The following RMDN2 variants were observed in gnomAD, a reference collection of about 807,000 sequenced individuals.
The protein encoded by RMDN2 is regulator of microtubule dynamics 2, also known as regulator of microtubule dynamics protein 2.
RMDN2 carries 61 observed loss-of-function variants against 52.8 expected under a neutral mutation model. That is an observed-to-expected ratio of 1.16 (90% confidence interval 0.94 to 1.43). RMDN2 has a LOEUF of 1.43. RMDN2 is among the 40% of genes most tolerant of loss of function. The probability of loss-of-function intolerance (pLI) is 0.00; values close to 1 mark genes in which losing one functional copy is unlikely to be tolerated. For missense variants in RMDN2, 592 were observed against 475.3 expected (o/e 1.25, Z -2.28); for synonymous variants, 180 against 153.1 (o/e 1.18, Z -1.30).
At chr2:37,989,891 C>T (rs987898154) in intron 6 of RMDN2, among the ~76,000 whole-genome samples, 1 of 152,068 alleles carries the variant, frequency 6.6e-6, no homozygotes, top group African/African-American at 2.4e-5. Flanking sequence ...CGCCTGTAAT[C>T]CCAGCACTTT....
intron 1 of RMDN2, among the ~76,000 whole-genome samples, chr2:37,925,634 T>A (rs953447086): frequency 6.6e-6 from 1 of 152,210 alleles, no homozygotes; most frequent in Admixed American, 6.5e-5. Flanking sequence ...GGTTCATCCC[T>A]CGCTGACCCT....
chr2:38,003,461 G>T (rs914495210), intron 8 of RMDN2, among the ~76,000 whole-genome samples: 3 of 152,162 alleles, frequency 2.0e-5, no homozygotes, highest in Non-Finnish European at 2.9e-5. Flanking sequence ...GCCAAGGCAG[G>T]AGAATTGCCT....
chr2:38,010,738 T>A (rs1056693610), intron 10 of RMDN2, among the ~76,000 whole-genome samples: 1 of 152,054 alleles, frequency 6.6e-6, no homozygotes, highest in African/African-American at 2.4e-5. Flanking sequence ...TTTCTGACAC[T>A]CCCCAGTGAG....
At chr2:38,000,006 A>G (rs1009460784) in intron 8 of RMDN2, among the ~76,000 whole-genome samples, 1 of 152,208 alleles carries the variant, frequency 6.6e-6, no homozygotes, top group Admixed American at 6.5e-5. Flanking sequence ...AATATATTTT[A>G]TATTCTTACC....
chr2:37,997,447 TG>T lies in RMDN2; in HGVS notation c.979del (p.Ala327LeufsTer38), dbSNP rs759041499. ...VSKLSWIEKK[M>X]AATLFGKIPS... ...AAACTGAGCTGGATTGAGAAAAAAA[TG>T]GCTGCTACTCTGTTTGGAAAAATAC... On this transcript the variant is annotated frameshift_variant, in exon 8 of 11. Coordinates refer to ENST00000354545, the MANE Select transcript of RMDN2 (RefSeq NM_001170791.3). LOFTEE classifies it high-confidence loss of function. 1.2e-6 allele frequency: 2 copies of T among 1,613,630 alleles called. No individual in the cohort carries two copies. Among genetic ancestry groups the T allele is most frequent in the African/African-American group, 2.7e-5 (2 of 74,870 alleles).
intron 10 of RMDN2, among the ~76,000 whole-genome samples, chr2:38,052,779 T>C (rs1681677622): frequency 6.6e-6 from 1 of 152,206 alleles, no homozygotes; most frequent in South Asian, 2.1e-4. Context: ...CTTACTTTTC[T>C]CTGTTCCCAA....
chr2:38,038,267 G>T (rs1319628504), intron 10 of RMDN2, among the ~76,000 whole-genome samples: 2 of 152,178 alleles, frequency 1.3e-5, no homozygotes, highest in African/African-American at 4.8e-5. Flanking sequence ...CCGGGCGCAA[G>T]GGGGACGCGT....
intron 8 of RMDN2, among the ~76,000 whole-genome samples, chr2:37,998,738 T>G (rs2125168274): frequency 6.6e-6 from 1 of 152,160 alleles, no homozygotes; most frequent in South Asian, 2.1e-4. Context: ...GTTCAAAAAA[T>G]AAAAAAGAAA....
chr2:38,012,388 CT>C (rs1201163902), intron 10 of RMDN2, among the ~76,000 whole-genome samples: 1 of 152,174 alleles, frequency 6.6e-6, no homozygotes, highest in Non-Finnish European at 1.5e-5. Context: ...CACTGTACCC[CT>C]AATCCTGTGT....
At chr2:37,999,248 T>G (rs1675987655) in intron 8 of RMDN2, among the ~76,000 whole-genome samples, 1 of 152,190 alleles carries the variant, frequency 6.6e-6, no homozygotes, top group African/African-American at 2.4e-5. Flanking sequence ...ACTTACCAGC[T>G]GATTAACACT....
intron 10 of RMDN2, among the ~76,000 whole-genome samples, chr2:38,010,421 T>TC: frequency 6.6e-6 from 1 of 152,058 alleles, no homozygotes; most frequent in Non-Finnish European, 1.5e-5. Flanking sequence ...CTCGCTCCCC[T>TC]CCCCCAGCCT....
chr2:37,984,851 A>T (rs1002943209), intron 5 of RMDN2, among the ~76,000 whole-genome samples: 15 of 141,030 alleles, frequency 1.1e-4, no homozygotes, highest in Non-Finnish European at 7.6e-5. Flanking sequence ...TTTGAGAAAA[A>T]AAAATAAAAT....
intron 10 of RMDN2, among the ~76,000 whole-genome samples, chr2:38,045,025 G>A (rs939512560): frequency 6.6e-6 from 1 of 151,650 alleles, no homozygotes; most frequent in African/African-American, 2.4e-5. Flanking sequence ...CTGTTTTATG[G>A]TATCAAATAG....
chr2:38,041,614 C>T (rs1482457958), intron 10 of RMDN2, among the ~76,000 whole-genome samples: 1 of 151,640 alleles, frequency 6.6e-6, no homozygotes, highest in African/African-American at 2.4e-5. Flanking sequence ...TGAGAAAATT[C>T]CTCCTTTTTA....
At chr2:37,949,131 A>T (rs1044073921) in intron 2 of RMDN2, among the ~76,000 whole-genome samples, 6 of 152,178 alleles carry the variant, frequency 3.9e-5, no homozygotes, top group African/African-American at 1.4e-4. Flanking sequence ...AGAGAGGGAA[A>T]ATGTAATAGA....
chr2:38,014,681 C>A (rs764794046), intron 10 of RMDN2, among the ~76,000 whole-genome samples: 1 of 152,112 alleles, frequency 6.6e-6, no homozygotes, highest in African/African-American at 2.4e-5. Flanking sequence ...TTTTCCAACA[C>A]TATCAGATGA....
intron 2 of RMDN2, among the ~76,000 whole-genome samples, chr2:37,954,684 G>C (rs370137373): frequency 6.6e-6 from 1 of 152,078 alleles, no homozygotes; most frequent in East Asian, 1.9e-4. Context: ...TGGCCATTTC[G>C]GGTGTCTTGG....
intron 8 of RMDN2, among the ~76,000 whole-genome samples, chr2:38,001,491 T>C (rs1405182483): frequency 1.3e-5 from 2 of 152,244 alleles, no homozygotes; most frequent in African/African-American, 4.8e-5. Context: ...GTCTGTGTTC[T>C]GTTGGGCTTC....
At chr2:38,008,577 C>T (rs1394925044) in intron 10 of RMDN2, among the ~76,000 whole-genome samples, 1 of 152,098 alleles carries the variant, frequency 6.6e-6, no homozygotes, top group Non-Finnish European at 1.5e-5. Context: ...TCCTCCATCC[C>T]TTTATTTTGA....
Sources: allele counts gnomAD v4.1 joint callset (sites outside exome capture counted in the v4.1 genomes callset), GRCh38; gene constraint gnomAD v4.1.1; transcripts MANE v1.5; gene names NCBI Gene and HGNC (gene_info 2026-07-23, HGNC 2026-07-21).